The following FGF12 variants were observed in gnomAD, a reference collection of about 807,000 sequenced individuals.
FGF12 encodes the protein fibroblast growth factor 12, also known as fibroblast growth factor 12B.
FGF12 carries 14 observed loss-of-function variants against 23.6 expected under a neutral mutation model. The observed-to-expected ratio is 0.59, with a 90% CI of 0.39 to 0.93. The LOEUF (loss-of-function observed/expected upper bound fraction) is 0.93. Among genes scored for constraint, FGF12 ranks in the 40% least tolerant of loss-of-function variants. FGF12 has a pLI of 0.00. For synonymous variants in FGF12, 62 were observed against 77.3 expected (o/e 0.80, Z 1.04); for missense variants, 175 against 217.8 (o/e 0.80, Z 1.24).
intron 2 of FGF12, among the ~76,000 whole-genome samples, chr3:192,488,659 G>A (rs74787189): frequency 0.062 from 9,442 of 152,026 alleles, 1,012 homozygotes; most frequent in African/African-American, 0.22. Flanking sequence ...AAGTTATGTT[G>A]TGTGAGCCTT....
At chr3:192,430,821 G>A (rs1174633652) in intron 2 of FGF12, among the ~76,000 whole-genome samples, 2 of 152,256 alleles carry the variant, frequency 1.3e-5, no homozygotes, top group East Asian at 1.9e-4. Flanking sequence ...CATGACTCCT[G>A]TTGATACGGA....
chr3:192,161,264 T>C (rs1236030800), intron 5 of FGF12, among the ~76,000 whole-genome samples: 1 of 152,124 alleles, frequency 6.6e-6, no homozygotes, highest in Non-Finnish European at 1.5e-5. Context: ...ATTCAGGAGA[T>C]GGGGCCTAGC....
At chr3:192,470,712 C>T (rs911677330) in intron 2 of FGF12, among the ~76,000 whole-genome samples, 2 of 152,162 alleles carry the variant, frequency 1.3e-5, no homozygotes, top group Non-Finnish European at 2.9e-5. Flanking sequence ...TGATAACTGT[C>T]GTGAACATTC....
intron 2 of FGF12, among the ~76,000 whole-genome samples, chr3:192,648,475 T>C (rs1266546036): frequency 9.0e-6 from 1 of 111,490 alleles, no homozygotes; most frequent in Non-Finnish European, 2.0e-5. Flanking sequence ...GAACAAAGAC[T>C]ATTTAGATTT....
chr3:192,405,316 C>G (rs1190044093), intron 2 of FGF12, among the ~76,000 whole-genome samples: 1 of 151,200 alleles, frequency 6.6e-6, no homozygotes. Context: ...CAATACTACA[C>G]ATATCAGAAC....
intron 2 of FGF12, among the ~76,000 whole-genome samples, chr3:192,375,038 T>A (rs1015524250): frequency 7.9e-5 from 12 of 152,316 alleles, no homozygotes; most frequent in African/African-American, 2.6e-4. Context: ...ACTCCCTCTG[T>A]AAATATCCAC....
chr3:192,233,468 T>C (rs562608786), intron 4 of FGF12, among the ~76,000 whole-genome samples: 1 of 152,296 alleles, frequency 6.6e-6, no homozygotes, highest in Non-Finnish European at 1.5e-5. Flanking sequence ...GTTGGATGCA[T>C]AGTTTGCAAT....
intron 2 of FGF12, among the ~76,000 whole-genome samples, chr3:192,608,795 C>A (rs1312641021): frequency 2.0e-5 from 3 of 152,132 alleles, no homozygotes; most frequent in Non-Finnish European, 4.4e-5. Flanking sequence ...AAGTCTCTAA[C>A]CCTTATGCCA....
chr3:192,259,816 T>A (rs1430919160), intron 4 of FGF12, among the ~76,000 whole-genome samples: 1 of 152,096 alleles, frequency 6.6e-6, no homozygotes, highest in Non-Finnish European at 1.5e-5. Flanking sequence ...TGCTGAAGCA[T>A]AGGATGTAGC....
At chr3:192,475,972 T>C (rs187306727) in intron 2 of FGF12, among the ~76,000 whole-genome samples, 3 of 151,748 alleles carry the variant, frequency 2.0e-5, no homozygotes, top group African/African-American at 4.9e-5. Context: ...TAGGCAGATA[T>C]ATAAAATATT....
chr3:192,505,532 G>C (rs1370544136), intron 2 of FGF12, among the ~76,000 whole-genome samples: 1 of 152,110 alleles, frequency 6.6e-6, no homozygotes, highest in Non-Finnish European at 1.5e-5. Context: ...TTATATTGGG[G>C]TTATAGATTT....
chr3:192,326,221 T>C (rs1200991955), intron 4 of FGF12, among the ~76,000 whole-genome samples: 2 of 152,100 alleles, frequency 1.3e-5, no homozygotes, highest in Non-Finnish European at 2.9e-5. Flanking sequence ...AGAAAGGAAA[T>C]ACAGAGATAA....
intron 4 of FGF12, among the ~76,000 whole-genome samples, chr3:192,212,947 T>C (rs542993958): frequency 6.6e-6 from 1 of 152,246 alleles, no homozygotes; most frequent in East Asian, 1.9e-4. Flanking sequence ...CTGTCTGGAG[T>C]GGCAGCTGCT....
intron 4 of FGF12, among the ~76,000 whole-genome samples, chr3:192,239,302 T>A (rs1280777366): frequency 6.6e-6 from 1 of 152,214 alleles, no homozygotes; most frequent in Admixed American, 6.5e-5. Context: ...CATTGATGTT[T>A]CCAGAACTAC....
intron 2 of FGF12, among the ~76,000 whole-genome samples, chr3:192,597,040 T>G (rs1713886492): frequency 6.6e-6 from 1 of 152,184 alleles, no homozygotes; most frequent in African/African-American, 2.4e-5. Context: ...ATAAAGTATA[T>G]GTATATGTTA....
rs1713570941 is a variant in FGF12 at position 192,144,276 on chromosome 3, G to T, written c.428-149C>A. On this transcript the variant is annotated intron_variant, in intron 5 of 5. Transcript: ENST00000445105. Reference sequence around the variant, plus strand: ...AAACAGTTTTAACTTGATAATCAGTGAATACACTTAATTTTCTTTCAGTTC... The same window carrying T: ...AAACAGTTTTAACTTGATAATCAGTTAATACACTTAATTTTCTTTCAGTTC... The T allele has an allele frequency of 9.1e-6, 5 of 550,516 alleles. No individual in the cohort carries two copies. The East Asian group carries it at 1.6e-4, about 17-fold the overall frequency. 34.1% of individuals were successfully genotyped at this position (550,516 alleles called of 1,614,324 possible). A position where few individuals can be genotyped will look rare whatever the true frequency, so the allele number is the denominator to read the frequency against.
chr3:192,300,359 G>A (rs1378771276), intron 4 of FGF12, among the ~76,000 whole-genome samples: 1 of 152,138 alleles, frequency 6.6e-6, no homozygotes, highest in Admixed American at 6.6e-5. Flanking sequence ...ATTATGAAAG[G>A]TTATATAAAA....
chr3:192,397,856 C>G (rs1007656393), intron 2 of FGF12, among the ~76,000 whole-genome samples: 1 of 152,108 alleles, frequency 6.6e-6, no homozygotes, highest in Non-Finnish European at 1.5e-5. Flanking sequence ...ATTTTTAATG[C>G]ATTATCTGAT....
chr3:192,474,684 G>A (rs866365204), intron 2 of FGF12, among the ~76,000 whole-genome samples: 6 of 152,002 alleles, frequency 3.9e-5, no homozygotes, highest in African/African-American at 1.4e-4. Flanking sequence ...TCAGGAGTTC[G>A]AGACCAGCCT....
Sources: allele counts gnomAD v4.1 joint callset (sites outside exome capture counted in the v4.1 genomes callset), GRCh38; gene constraint gnomAD v4.1.1; transcripts MANE v1.5; gene names NCBI Gene and HGNC (gene_info 2026-07-23, HGNC 2026-07-21).